TENM2: variants seen among roughly 807,000 people sequenced by gnomAD.
TENM2 encodes teneurin-2.
Under a neutral mutation model 245.2 loss-of-function variants are expected in TENM2, and 52 were observed. The ratio of observed to expected loss-of-function variants is 0.21; its 90% CI spans 0.17 to 0.27. TENM2 has a LOEUF of 0.27. Ranked by LOEUF, TENM2 falls within the 10% of genes least tolerant of loss-of-function variation. TENM2 has a pLI of 1.00. For synonymous variants in TENM2, 1,363 were observed against 1,438.9 expected (o/e 0.95, Z 1.19); for missense variants, 3,046 against 3,666.8 (o/e 0.83, Z 4.37).
At chr5:167,233,472 T>C in the TENM2 span, among the ~76,000 whole-genome samples, 39 of 152,308 alleles carry the variant, frequency 2.6e-4, no homozygotes, top group African/African-American at 9.4e-4. Context: ...TCCATCCATT[T>C]ATGAAGGGGT....
At chr5:167,902,070 A>G (rs957447893) in intron 3 of TENM2, among the ~76,000 whole-genome samples, 2 of 151,146 alleles carry the variant, frequency 1.3e-5, no homozygotes, top group Admixed American at 1.3e-4. Context: ...ATCCCCTTCC[A>G]TTTCTTGAGG....
intron 2 of TENM2, among the ~76,000 whole-genome samples, chr5:167,840,293 T>C (rs1266005559): frequency 6.6e-6 from 1 of 152,218 alleles, no homozygotes; most frequent in African/African-American, 2.4e-5. Flanking sequence ...ACTTTAATGC[T>C]AAGCAAACAA....
At chr5:167,926,980 G>T (rs1777818476) in intron 3 of TENM2, among the ~76,000 whole-genome samples, 1 of 151,996 alleles carries the variant, frequency 6.6e-6, no homozygotes, top group Admixed American at 6.5e-5. Context: ...AACAAAATTT[G>T]GTATTAACAG....
chr5:167,991,194 C>T (rs540844205), intron 4 of TENM2, among the ~76,000 whole-genome samples: 27 of 152,262 alleles, frequency 1.8e-4, no homozygotes, highest in African/African-American at 6.3e-4. Context: ...CTAAGTAGCA[C>T]CTACTGAAGA....
chr5:167,068,314 C>G, the TENM2 span, among the ~76,000 whole-genome samples: 1 of 152,186 alleles, frequency 6.6e-6, no homozygotes, highest in Non-Finnish European at 1.5e-5. Flanking sequence ...CATAAATACA[C>G]AGGACATCTG....
chr5:168,216,385 A>G (rs1002499116), intron 21 of TENM2, among the ~76,000 whole-genome samples: 2 of 152,266 alleles, frequency 1.3e-5, no homozygotes, highest in African/African-American at 4.8e-5. Flanking sequence ...AAGTATATTC[A>G]AGTAACTTAC....
chr5:167,105,887 C>CAAAAAAAAAAA, the TENM2 span, among the ~76,000 whole-genome samples: 26 of 48,834 alleles, frequency 5.3e-4, 1 homozygote, highest in South Asian at 7.5e-4. Context: ...GACTCCGTCT[C>CAAAAAAAAAAA]AAAAAAAAAA....
At chr5:167,977,978 C>G (rs1782565521) in intron 4 of TENM2, among the ~76,000 whole-genome samples, 1 of 152,046 alleles carries the variant, frequency 6.6e-6, no homozygotes, top group African/African-American at 2.4e-5. Flanking sequence ...TAAGTTTTTG[C>G]TCTATTAGTT....
At chr5:168,125,622 G>A (rs1046713557) in intron 11 of TENM2, among the ~76,000 whole-genome samples, 1 of 152,204 alleles carries the variant, frequency 6.6e-6, no homozygotes, top group Non-Finnish European at 1.5e-5. Context: ...CCCTATCCAA[G>A]CAAGCGATCA....
intron 2 of TENM2, among the ~76,000 whole-genome samples, chr5:167,839,619 A>G (rs1769304293): frequency 2.6e-5 from 4 of 152,014 alleles, no homozygotes; most frequent in African/African-American, 9.7e-5. Context: ...TGTAAAGTGA[A>G]TGTAATGCCC....
chr5:167,444,875 A>G (rs1765070895), intron 2 of TENM2, among the ~76,000 whole-genome samples: 1 of 152,156 alleles, frequency 6.6e-6, no homozygotes. Context: ...GTGTGATCAA[A>G]CTCAGTACAG....
At chr5:167,811,533 T>G (rs558547073) in intron 2 of TENM2, among the ~76,000 whole-genome samples, 114 of 152,262 alleles carry the variant, frequency 7.5e-4, no homozygotes, top group African/African-American at 2.7e-3. Context: ...ATCTGCCACT[T>G]AAACCTCTTT....
rs893853888 is a variant in TENM2, at chr5:168,244,930, C to T, written c.5817+214C>T. Among the ~76,000 whole-genome samples the T allele has an allele frequency of 2.0e-5, 3 of 151,912 alleles. No individual in the cohort carries two copies. Among genetic ancestry groups the T allele is most frequent in the East Asian group, 1.9e-4 (1 of 5,162 alleles). On this transcript the variant is annotated intron_variant, in intron 26 of 28. Transcript: ENST00000518659. The surrounding 1 kb of genome is among the most constrained non-coding windows in gnomAD (Gnocchi z 4.9). ...GACTACAGGCACATGTCACCACGCC[C>T]GGCTAATTTTGTATTTTTAGTAGAG...
At chr5:167,632,780 A>G (rs755344076) in intron 2 of TENM2, among the ~76,000 whole-genome samples, 1 of 152,168 alleles carries the variant, frequency 6.6e-6, no homozygotes, top group Non-Finnish European at 1.5e-5. Context: ...TTTATTCAAC[A>G]TATCTTAAAA....
chr5:168,005,735 A>C (rs904660367), intron 5 of TENM2, among the ~76,000 whole-genome samples: 1 of 152,156 alleles, frequency 6.6e-6, no homozygotes, highest in African/African-American at 2.4e-5. Context: ...AACATAGAAA[A>C]AATTCTTTGT....
intron 2 of TENM2, among the ~76,000 whole-genome samples, chr5:167,619,112 C>G (rs1407267830): frequency 6.6e-6 from 1 of 152,064 alleles, no homozygotes; most frequent in Non-Finnish European, 1.5e-5. Context: ...TTTCTGGAGA[C>G]TACAGAAATA....
At chr5:168,056,124 A>G (rs560106640) in intron 6 of TENM2, among the ~76,000 whole-genome samples, 5 of 152,170 alleles carry the variant, frequency 3.3e-5, no homozygotes, top group Non-Finnish European at 7.4e-5. Flanking sequence ...GTCCTTCTTC[A>G]TGGAACTCAG....
intron 1 of TENM2, among the ~76,000 whole-genome samples, chr5:167,290,266 G>T (rs915214292): frequency 2.0e-5 from 3 of 152,132 alleles, no homozygotes; most frequent in African/African-American, 7.2e-5. Context: ...CAGTGCTGAT[G>T]GGTACCGCTA....
At chr5:167,601,296 A>T (rs987698697) in intron 2 of TENM2, among the ~76,000 whole-genome samples, 9 of 152,284 alleles carry the variant, frequency 5.9e-5, no homozygotes, top group African/African-American at 2.2e-4. Flanking sequence ...CACTAGCCAC[A>T]TTTAGCTATT....
Sources: gnomAD v4.1 joint callset for allele counts (sites outside exome capture counted in the v4.1 genomes callset) on GRCh38, gnomAD v4.1.1 for gene constraint, Gnocchi (gnomAD v3.1) non-coding constraint, MANE v1.5 for transcripts, NCBI Gene and HGNC (gene_info 2026-07-23, HGNC 2026-07-21) for gene names.